The following EXOC3L2 variants were observed in gnomAD, a reference collection of about 807,000 sequenced individuals.
EXOC3L2 encodes the protein exocyst complex component 3-like protein 2.
In EXOC3L2, 17 loss-of-function variants were observed where a neutral mutation model predicts 44.4. The observed-to-expected ratio is 0.38, with a 90% confidence interval of 0.26 to 0.57. The LOEUF (loss-of-function observed/expected upper bound fraction) is 0.57, where lower values mean the gene tolerates loss of function less well. Ranked by LOEUF, EXOC3L2 falls within the 20% of genes least tolerant of loss-of-function variation. The pLI, the probability that EXOC3L2 is intolerant of heterozygous loss-of-function variation, is 0.65. For synonymous variants in EXOC3L2, 256 were observed against 253.7 expected, an observed-to-expected ratio of 1.01 and a Z score of -0.09; for missense variants, 541 against 588.4, an observed-to-expected ratio of 0.92 and a Z score of 0.83.
rs753604610 is a variant in EXOC3L2 at position 45,217,556 on chromosome 19, G to A, written c.1970C>T (p.Ala657Val). ...RVAGRLREDAAQLQRLFRRLE... is the reference protein window; with the variant it reads ...RVAGRLREDAVQLQRLFRRLE... ...CCGCCGGAACAGCCTCTGCAGTTGCGCCGCGTCCTCCCGGAGCCTGCCGGC... is the reference window on the plus strand; with the variant it reads ...CCGCCGGAACAGCCTCTGCAGTTGCACCGCGTCCTCCCGGAGCCTGCCGGC... Residue 657 changes from alanine to valine, a missense_variant, in exon 10 of 12, where the codon GCG becomes GTG. By Grantham distance (64) the Ala-to-Val change is moderately conservative. Coordinates refer to ENST00000413988, the MANE Select transcript of EXOC3L2 (RefSeq NM_001382422.1). 2 of 1,569,206 alleles carry A rather than the reference G, an allele frequency of 1.3e-6. No homozygotes were observed. Among genetic ancestry groups the A allele is most frequent in the Non-Finnish European group, 1.7e-6 (2 of 1,164,756 alleles).
chr19:45,213,489 T>C, intron 11 of EXOC3L2, 132 bp from the exon 12 acceptor site: 2 of 1,002,108 alleles, frequency 2.0e-6, no homozygotes, highest in Non-Finnish European at 2.9e-6. Flanking sequence ...CTGTGTCCCC[T>C]CCAGAGCCTT....
rs1970105061 is a variant in EXOC3L2, at chr19:45,238,741, G to A, written c.305C>T (p.Ala102Val). 1 of 398,822 alleles carries A rather than the reference G, an allele frequency of 2.5e-6. No homozygotes were observed. Among genetic ancestry groups the A allele is most frequent in the Non-Finnish European group, 4.4e-6 (1 of 225,964 alleles). The allele number at this position is 398,822 out of a possible 1,614,324, so 24.7% of individuals were successfully genotyped here. A position where few individuals can be genotyped will look rare whatever the true frequency, so the allele number is the denominator to read the frequency against. Residue 102 changes from alanine (A) to valine (V), a missense_variant, in exon 2 of 12, where the codon GCA becomes GTA. Transcript: ENST00000413988. The surrounding 1 kb of genome is among the most constrained non-coding windows in gnomAD (Gnocchi z 5.5). ...VLVPGIRRSS[A>V]DFGLLARLHG... The stretch of plus-strand genomic sequence containing the variant: ...CAGCCGGGCCAGGAGGCCAAAATCT[G>A]CTGAGCTCCTGCGTATCCCTGGTAC...
At chr19:45,237,873 G>T (rs923588420) in intron 2 of EXOC3L2, among the ~76,000 whole-genome samples, 1 of 152,198 alleles carries the variant, frequency 6.6e-6, no homozygotes. Flanking sequence ...GCCACACGCC[G>T]TGGCTCAAGC....
intron 1 of EXOC3L2, among the ~76,000 whole-genome samples, chr19:45,243,043 G>GTATATTAT (rs1472958061): frequency 6.6e-6 from 1 of 151,926 alleles, no homozygotes; most frequent in Non-Finnish European, 1.5e-5. Flanking sequence ...ATAATATACT[G>GTATATTAT]TTCTACATGG....
intron 9 of EXOC3L2, 35 bp downstream of exon 9, chr19:45,218,162 C>G: frequency 4.1e-6 from 4 of 964,214 alleles, no homozygotes; most frequent in Non-Finnish European, 5.7e-6. Flanking sequence ...CTCTTTTCCC[C>G]CACCCCCACC....
chr19:45,230,357 T>C (rs1207013192), intron 4 of EXOC3L2, among the ~76,000 whole-genome samples: 1 of 152,154 alleles, frequency 6.6e-6, no homozygotes, highest in Non-Finnish European at 1.5e-5. Context: ...TAGCTGGGAC[T>C]ATAGGCACCC....
intron 1 of EXOC3L2, among the ~76,000 whole-genome samples, chr19:45,243,449 G>A (rs114544521): frequency 2.0e-5 from 3 of 152,190 alleles, no homozygotes; most frequent in African/African-American, 7.2e-5. Context: ...TTCAACCCCT[G>A]AGCTGCTGCT....
At chr19:45,226,107 G>A (rs1056333884) in intron 7 of EXOC3L2, among the ~76,000 whole-genome samples, 4 of 152,038 alleles carry the variant, frequency 2.6e-5, no homozygotes, top group East Asian at 1.9e-4. Context: ...ACTGGCCCTC[G>A]ATAGATGGAC....
intron 1 of EXOC3L2, among the ~76,000 whole-genome samples, chr19:45,241,881 A>G (rs1970134507): frequency 6.6e-6 from 1 of 152,148 alleles, no homozygotes; most frequent in Admixed American, 6.5e-5. Flanking sequence ...TGGACTGCAA[A>G]CCTCAGCAGG....
At position 45,238,915 on chromosome 19, in the gene EXOC3L2, C is replaced by A. The variant is rs576397864; in HGVS notation, c.131G>T (p.Gly44Val). 13 of 399,230 alleles carry A rather than the reference C, an allele frequency of 3.3e-5. No homozygotes were observed. In the South Asian group the frequency reaches 1.4e-3, roughly 43 times the overall value. 24.7% of individuals were successfully genotyped at this position (399,230 alleles called of 1,614,324 possible). ...ACAAGATGTTCCATTGGGGAGGGACCCCAGCTCCCCGGCCTCTTCTTCCTC... is the reference window on the plus strand; with the variant it reads ...ACAAGATGTTCCATTGGGGAGGGACACCAGCTCCCCGGCCTCTTCTTCCTC... ...GLEEEEAGEL[G>V]SLPNGTSCRR... is the part of the protein sequence containing the mutation. The change falls in exon 2 of 12, where the codon GGG becomes GTG. Residue 44 changes from glycine (G) to valine (V), a missense_variant. Gly to Val is a moderately radical substitution (Grantham distance 109). Transcript: ENST00000413988. The surrounding 1 kb of genome is among the most constrained non-coding windows in gnomAD (Gnocchi z 5.5).
At chr19:45,241,117 C>G (rs1234250862) in intron 1 of EXOC3L2, among the ~76,000 whole-genome samples, 2 of 152,142 alleles carry the variant, frequency 1.3e-5, no homozygotes, top group Non-Finnish European at 2.9e-5. Context: ...GAACCCTTGC[C>G]CACTTCCCTG....
At position 45,238,952 on chromosome 19, in the gene EXOC3L2, C is replaced by A. The variant is rs946103415; in HGVS notation, c.94G>T (p.Val32Phe). The change falls in exon 2 of 12, where the codon GTT becomes TTT. Residue 32 changes from valine (V) to phenylalanine (F), a missense_variant. By Grantham distance (50) the Val-to-Phe change is conservative. Transcript: ENST00000413988. This position sits in a 1 kb window ranked among gnomAD's most constrained non-coding sequence, Gnocchi z 5.5. The stretch of plus-strand genomic sequence containing the variant: ...GCCTCTTCTTCCTCCAGCCCTGAAA[C>A]TTCTTCAAAGGGGTTCCGAGAGGAC... ...LRSSRNPFEE[V>F]SGLEEEEAGE... 2.5e-6 allele frequency: 1 copy of A among 399,198 alleles called. No individual in the cohort carries two copies. The highest frequency in any genetic ancestry group is 4.4e-6 in the Non-Finnish European group (1 of 226,184). 24.7% of individuals were successfully genotyped at this position (399,198 alleles called of 1,614,324 possible). A position where few individuals can be genotyped will look rare whatever the true frequency, so the allele number is the denominator to read the frequency against.
chr19:45,232,080 G>A (rs371951355), intron 3 of EXOC3L2, among the ~76,000 whole-genome samples: 7 of 152,128 alleles, frequency 4.6e-5, no homozygotes, highest in Non-Finnish European at 1.0e-4. Context: ...CCTGATGGAT[G>A]GTGTCCCGGC....
At chr19:45,217,830 C>CAGCCCCT in intron 9 of EXOC3L2, 147 bp from the exon 10 acceptor site, 1 of 1,000,652 alleles carries the variant, frequency 1.0e-6, no homozygotes, top group Non-Finnish European at 1.4e-6. Context: ...CCCCAGTCCC[C>CAGCCCCT]AGCCCCTGAG....
chr19:45,220,710 G>A (rs1384174007), intron 8 of EXOC3L2, among the ~76,000 whole-genome samples: 1 of 151,974 alleles, frequency 6.6e-6, no homozygotes, highest in East Asian at 1.9e-4. Flanking sequence ...GGCCTCCTGG[G>A]CTTGGGGAGA....
chr19:45,235,313 A>G (rs1162193074), intron 2 of EXOC3L2, among the ~76,000 whole-genome samples: 6 of 152,148 alleles, frequency 3.9e-5, no homozygotes, highest in African/African-American at 1.4e-4. Flanking sequence ...ATAAATAAAT[A>G]AAAAAGAGAG....
At chr19:45,236,043 T>A (rs1970081169) in intron 2 of EXOC3L2, among the ~76,000 whole-genome samples, 1 of 147,922 alleles carries the variant, frequency 6.8e-6, no homozygotes, top group African/African-American at 2.5e-5. Flanking sequence ...GAGTTTAGGG[T>A]TAGGATGAGG....
intron 7 of EXOC3L2, among the ~76,000 whole-genome samples, chr19:45,225,618 CTCTT>C (rs1420532552): frequency 7.1e-6 from 1 of 140,592 alleles, no homozygotes; most frequent in Non-Finnish European, 1.5e-5. Flanking sequence ...CCTTACTCTT[CTCTT>C]TTTTTTTTTT....
intron 11 of EXOC3L2, among the ~76,000 whole-genome samples, chr19:45,215,108 T>C (rs1406420436): frequency 6.6e-6 from 1 of 152,052 alleles, no homozygotes; most frequent in African/African-American, 2.4e-5. Flanking sequence ...ATCACTGCAC[T>C]TCAGCCTGGG....
Sources: gnomAD v4.1 joint callset for allele counts (sites outside exome capture counted in the v4.1 genomes callset) on GRCh38, gnomAD v4.1.1 for gene constraint, Gnocchi (gnomAD v3.1) non-coding constraint, MANE v1.5 for transcripts, NCBI Gene and HGNC (gene_info 2026-07-23, HGNC 2026-07-21) for gene names.